CRTAC1: variants seen among roughly 807,000 people sequenced by gnomAD.
CRTAC1 encodes acidic secreted protein in cartilage.
CRTAC1 carries 37 observed loss-of-function variants against 67.8 expected under a neutral mutation model. The ratio of observed to expected loss-of-function variants is 0.55; its 90% CI spans 0.42 to 0.72. The LOEUF (loss-of-function observed/expected upper bound fraction) is 0.72, where lower values mean the gene tolerates loss of function less well. CRTAC1 is among the 30% of genes least tolerant of loss of function. The probability of loss-of-function intolerance (pLI) is 0.00; values close to 1 mark genes in which losing one functional copy is unlikely to be tolerated. For missense variants in CRTAC1, 780 were observed against 931.6 expected (o/e 0.84, Z 2.12); for synonymous variants, 348 against 371.0 (o/e 0.94, Z 0.71).
intron 4 of CRTAC1, among the ~76,000 whole-genome samples, chr10:97,921,965 A>G (rs950625691): frequency 1.3e-5 from 2 of 150,720 alleles, no homozygotes; most frequent in African/African-American, 2.4e-5. Context: ...GGGTGTGCAG[A>G]TGACCTTGTT....
At chr10:98,009,415 T>C (rs1842863958) in intron 2 of CRTAC1, among the ~76,000 whole-genome samples, 1 of 152,100 alleles carries the variant, frequency 6.6e-6, no homozygotes. Flanking sequence ...CTCTTTGCAG[T>C]GTAGAAGAAA....
rs192691413 is a variant in CRTAC1, at chr10:97,886,626, C to T, written c.1487-2275G>A. ...TGAAAATGGGACTGGGGAGTGCCAA[C>T]TACAGATTTTTTTTTCTTTTTTCTT... On this transcript the variant is annotated intron_variant, in intron 11 of 14. Transcript: ENST00000370597. 1.9e-3 allele frequency among the ~76,000 whole-genome samples: 277 copies of T among 148,984 alleles called. 1 individual carries two copies. The highest frequency in any genetic ancestry group is 6.0e-3 in the Admixed American group (87 of 14,382).
chr10:97,991,290 G>A (rs1842450394), intron 2 of CRTAC1, among the ~76,000 whole-genome samples: 1 of 151,568 alleles, frequency 6.6e-6, no homozygotes, highest in Non-Finnish European at 1.5e-5. Context: ...GCACACACCT[G>A]TAGTGTCAGC....
intron 4 of CRTAC1, among the ~76,000 whole-genome samples, chr10:97,918,820 G>T (rs970158536): frequency 2.0e-5 from 3 of 149,860 alleles, no homozygotes; most frequent in Non-Finnish European, 3.0e-5. Flanking sequence ...GTCTCACTCT[G>T]TTGCCCTGGC....
rs531021933 is a variant in CRTAC1 at position 98,002,761 on chromosome 10, C to CTTT, written c.224+8374_224+8376dup. On this transcript the variant is annotated intron_variant, in intron 2 of 14. Coordinates refer to ENST00000370597, the MANE Select transcript of CRTAC1 (RefSeq NM_018058.7). ...TTTTAGGAATTCTTTACAAAACTCA[C>CTTT]TTTTTTTTTTTTTTTTTTTTTTTTT... Among the ~76,000 whole-genome samples, 160 of 37,290 alleles carry CTTT rather than the reference C, an allele frequency of 4.3e-3. 57 individuals are homozygous for CTTT. The highest frequency in any genetic ancestry group is 7.0e-3 in the Non-Finnish European group (120 of 17,194). The allele number at this position is 37,290 out of a possible 152,430, so 24.5% of individuals were successfully genotyped here. A position where few individuals can be genotyped will look rare whatever the true frequency, so the allele number is the denominator to read the frequency against.
At chr10:97,978,826 CTGTT>C (rs1469110049) in intron 2 of CRTAC1, among the ~76,000 whole-genome samples, 1 of 152,190 alleles carries the variant, frequency 6.6e-6, no homozygotes, top group Non-Finnish European at 1.5e-5. Flanking sequence ...TATTTGTTGT[CTGTT>C]TGGTGGTTCC....
intron 2 of CRTAC1, among the ~76,000 whole-genome samples, chr10:97,959,264 C>G (rs2051487152): frequency 6.6e-6 from 1 of 152,116 alleles, no homozygotes; most frequent in Non-Finnish European, 1.5e-5. Flanking sequence ...TAAAAAATAG[C>G]AAGAAAAATA....
intron 2 of CRTAC1, among the ~76,000 whole-genome samples, chr10:97,990,389 T>G (rs1564925481): frequency 6.6e-6 from 1 of 152,250 alleles, no homozygotes; most frequent in South Asian, 2.1e-4. Context: ...TGTTTAATTA[T>G]TTAAGAAGGC....
chr10:97,979,381 C>A (rs1246138375), intron 2 of CRTAC1, among the ~76,000 whole-genome samples: 1 of 152,186 alleles, frequency 6.6e-6, no homozygotes. Context: ...GGGGAAGGAA[C>A]AAGAGAATCC....
intron 14 of CRTAC1, among the ~76,000 whole-genome samples, chr10:97,877,072 G>C (rs1377471821): frequency 6.7e-6 from 1 of 150,298 alleles, no homozygotes; most frequent in African/African-American, 2.4e-5. Flanking sequence ...GGGGGCAGGG[G>C]ACTTGTCCAC....
Position 97,865,574 on chromosome 10 carries a change from T to C in CRTAC1, c.1960A>G (p.Lys654Glu). 6.2e-7 allele frequency: 1 copy of C among 1,612,208 alleles called. No homozygotes were observed. Among genetic ancestry groups the C allele is most frequent in the Non-Finnish European group, 8.5e-7 (1 of 1,178,504 alleles). Residue 654 changes from lysine to glutamate, a missense_variant, in exon 15 of 15, where the codon AAG becomes GAG. Physicochemically the swap from Lys to Glu is moderately conservative, Grantham distance 56 (BLOSUM62 1). Coordinates refer to ENST00000370597, the MANE Select transcript of CRTAC1 (RefSeq NM_018058.7). ...CAGCAGCTGGGCTCGCAGCTCTCCTTAACCACCGACCCCAGATTGAGATCT... is the reference window on the plus strand; with the variant it reads ...CAGCAGCTGGGCTCGCAGCTCTCCTCAACCACCGACCCCAGATTGAGATCT... ...DGDLNLGSVVKESCEPSC is the reference protein window; with the variant it reads ...DGDLNLGSVVEESCEPSC
chr10:97,943,716 G>A (rs182719529), intron 2 of CRTAC1, among the ~76,000 whole-genome samples: 1 of 152,228 alleles, frequency 6.6e-6, no homozygotes, highest in African/African-American at 2.4e-5. Context: ...CAAATGGTCT[G>A]CTTCCATTTT....
Position 98,029,197 on chromosome 10 carries a change from A to G in CRTAC1, c.24+1252T>C, listed in dbSNP as rs1203007084. On this transcript the variant is annotated intron_variant, in intron 1 of 14. Transcript: ENST00000370597. The surrounding 1 kb of genome is among the most constrained non-coding windows in gnomAD (Gnocchi z 4.7). Reference sequence around the variant, plus strand: ...AGGGTGAGGTACTCTGTGACTCTCAATGAGCTCTAATTCAGTCTTGGACAT... The same window carrying G: ...AGGGTGAGGTACTCTGTGACTCTCAGTGAGCTCTAATTCAGTCTTGGACAT... Among the ~76,000 whole-genome samples, 1 of 152,030 alleles carries G rather than the reference A, an allele frequency of 6.6e-6. No individual in the cohort carries two copies. Among genetic ancestry groups the G allele is most frequent in the African/African-American group, 2.4e-5 (1 of 41,384 alleles).
intron 2 of CRTAC1, among the ~76,000 whole-genome samples, chr10:97,977,113 A>G (rs1183129172): frequency 1.3e-5 from 2 of 152,212 alleles, no homozygotes; most frequent in Non-Finnish European, 2.9e-5. Flanking sequence ...CTGCCAAATT[A>G]GTATGGGGCT....
At chr10:97,865,817 C>G in intron 14 of CRTAC1, 103 bp from the exon 15 acceptor site, 1 of 1,096,198 alleles carries the variant, frequency 9.1e-7, no homozygotes, top group Admixed American at 2.8e-5. Flanking sequence ...ACCCTGCTGC[C>G]CGGGGTGGGA....
chr10:97,966,031 T>C (rs751060727), intron 2 of CRTAC1, among the ~76,000 whole-genome samples: 3 of 152,198 alleles, frequency 2.0e-5, no homozygotes, highest in Non-Finnish European at 4.4e-5. Flanking sequence ...CATTTCTGAG[T>C]TGACTCAGGC....
At chr10:97,870,829 A>G (rs2050085029) in intron 14 of CRTAC1, 1 of 152,084 alleles carries the variant, frequency 6.6e-6, no homozygotes, top group South Asian at 2.1e-4. Flanking sequence ...GAAAATCTGA[A>G]AACAGCCCAG....
chr10:97,886,507 C>A (rs1252843313), intron 11 of CRTAC1, among the ~76,000 whole-genome samples: 2 of 152,244 alleles, frequency 1.3e-5, no homozygotes, highest in Non-Finnish European at 2.9e-5. Context: ...TCTTTCCAGG[C>A]CCAACCTTAC....
In CRTAC1 at chr10:98,002,761, C is replaced by CTTTT. The variant is rs531021933; in HGVS notation, c.224+8373_224+8376dup. Reference sequence around the variant, plus strand: ...TTTTAGGAATTCTTTACAAAACTCACTTTTTTTTTTTTTTTTTTTTTTTTT... The same window carrying CTTTT: ...TTTTAGGAATTCTTTACAAAACTCACTTTTTTTTTTTTTTTTTTTTTTTTTTTTT... On this transcript the variant is annotated intron_variant, in intron 2 of 14. Coordinates refer to ENST00000370597, the MANE Select transcript of CRTAC1 (RefSeq NM_018058.7). 1.2e-3 allele frequency among the ~76,000 whole-genome samples: 43 copies of CTTTT among 37,292 alleles called. 13 individuals are homozygous for CTTTT. Among genetic ancestry groups the CTTTT allele is most frequent in the Non-Finnish European group, 1.8e-3 (31 of 17,198 alleles). 24.5% of individuals were successfully genotyped at this position (37,292 alleles called of 152,430 possible). A position where few individuals can be genotyped will look rare whatever the true frequency, so the allele number is the denominator to read the frequency against.
Sources: gnomAD v4.1 joint callset for allele counts (sites outside exome capture counted in the v4.1 genomes callset) on GRCh38, gnomAD v4.1.1 for gene constraint, Gnocchi (gnomAD v3.1) non-coding constraint, MANE v1.5 for transcripts, NCBI Gene and HGNC (gene_info 2026-07-23, HGNC 2026-07-21) for gene names.